DOCK3: variants seen among roughly 807,000 people sequenced by gnomAD.
The protein encoded by DOCK3 is dedicator of cytokinesis 3, also known as dedicator of cytokinesis protein 3.
Under a neutral mutation model 265.6 loss-of-function variants are expected in DOCK3, and 60 were observed. That is an observed-to-expected ratio of 0.23 (90% CI 0.18 to 0.28). DOCK3 has a LOEUF of 0.28. Ranked by LOEUF, DOCK3 falls within the 10% of genes least tolerant of loss-of-function variation. The probability of loss-of-function intolerance (pLI) is 1.00; values close to 1 mark genes in which losing one functional copy is unlikely to be tolerated. For missense variants in DOCK3, 1,981 were observed against 2,594.3 expected (o/e 0.76, Z 5.14); for synonymous variants, 881 against 938.0 (o/e 0.94, Z 1.11).
At chr3:51,173,597 G>A (rs188753151) in intron 12 of DOCK3, among the ~76,000 whole-genome samples, 1 of 152,214 alleles carries the variant, frequency 6.6e-6, no homozygotes, top group Non-Finnish European at 1.5e-5. Context: ...AGCTTTGCTG[G>A]GAAAAGTATT....
rs181885431 is a variant in DOCK3, at chr3:51,373,783, G to A, written c.5294-686G>A. 7.8e-4 allele frequency among the ~76,000 whole-genome samples: 119 copies of A among 152,320 alleles called. 1 individual carries two copies. Among genetic ancestry groups the A allele is most frequent in the Admixed American group, 2.9e-3 (44 of 15,298 alleles). Reference sequence around the variant, plus strand: ...TTAGTTCCATGAACCCTGAGTTCACGGAAGGGCAAGTGTCACAGAGCAAAA... The same window carrying A: ...TTAGTTCCATGAACCCTGAGTTCACAGAAGGGCAAGTGTCACAGAGCAAAA... On this transcript the variant is annotated intron_variant, in intron 49 of 52. Transcript: ENST00000266037.
chr3:51,225,814 C>G lies in DOCK3; in HGVS notation c.1377+41C>G. ...CAGTCATTTGGGTTGGAGGATAATC[C>G]TATAATAATTCTCTGTGGACTTTAT... On this transcript the variant is annotated intron_variant, in intron 15 of 52. Coordinates refer to ENST00000266037, the MANE Select transcript of DOCK3 (RefSeq NM_004947.5). 3 of 1,583,564 alleles carry G rather than the reference C, an allele frequency of 1.9e-6. No homozygotes were observed. The South Asian group carries it at 3.5e-5, about 19-fold the overall frequency.
intron 9 of DOCK3, among the ~76,000 whole-genome samples, chr3:51,145,353 A>G (rs1035259256): frequency 1.3e-5 from 2 of 151,958 alleles, no homozygotes; most frequent in African/African-American, 4.8e-5. Context: ...AGCATTAGGT[A>G]TATCTCCTAA....
chr3:50,742,714 G>A (rs1321676625), intron 1 of DOCK3, among the ~76,000 whole-genome samples: 1 of 152,116 alleles, frequency 6.6e-6, no homozygotes, highest in Non-Finnish European at 1.5e-5. Flanking sequence ...CCAAATCTAC[G>A]TCTGATTGGT....
intron 5 of DOCK3, among the ~76,000 whole-genome samples, chr3:51,060,585 G>A (rs2081376227): frequency 6.6e-6 from 1 of 152,140 alleles, no homozygotes; most frequent in Non-Finnish European, 1.5e-5. Flanking sequence ...GTGTAAGGAA[G>A]GGATCCAGTT....
At chr3:50,744,441 T>G (rs928649176) in intron 1 of DOCK3, among the ~76,000 whole-genome samples, 1 of 151,910 alleles carries the variant, frequency 6.6e-6, no homozygotes, top group Non-Finnish European at 1.5e-5. Flanking sequence ...AGTTAATTTT[T>G]TTTTTTTTTT....
rs998438351 is a variant in DOCK3, at chr3:50,675,426, C to G, written c.37+126C>G. 1 of 897,684 alleles carries G rather than the reference C, an allele frequency of 1.1e-6. No homozygotes were observed. The highest frequency in any genetic ancestry group is 1.4e-6 in the Non-Finnish European group (1 of 713,784). 55.6% of individuals were successfully genotyped at this position (897,684 alleles called of 1,614,324 possible). A position where few individuals can be genotyped will look rare whatever the true frequency, so the allele number is the denominator to read the frequency against. On this transcript the variant is annotated intron_variant, in intron 1 of 52. Transcript: ENST00000266037. This position sits in a 1 kb window ranked among gnomAD's most constrained non-coding sequence, Gnocchi z 6.1. Reference sequence around the variant, plus strand: ...CAGGCTGCGCGGCCTCGGCGCGGGGCGAGCGCGGGGTGGGGGCAGGTGCGG... The same window carrying G: ...CAGGCTGCGCGGCCTCGGCGCGGGGGGAGCGCGGGGTGGGGGCAGGTGCGG...
intron 12 of DOCK3, among the ~76,000 whole-genome samples, chr3:51,202,859 C>T (rs931932228): frequency 1.7e-4 from 26 of 151,272 alleles, no homozygotes; most frequent in Non-Finnish European, 3.4e-4. Context: ...AAGGCTGGTT[C>T]AATATACACA....
chr3:51,350,242 A>C, intron 39 of DOCK3, 46 bp from the exon 40 acceptor site: 1 of 1,548,394 alleles, frequency 6.5e-7, no homozygotes, highest in South Asian at 1.2e-5. Context: ...CTTCCTTTGG[A>C]TACCAACAGC....
At chr3:51,290,935 A>G (rs2081720541) in intron 27 of DOCK3, among the ~76,000 whole-genome samples, 1 of 152,012 alleles carries the variant, frequency 6.6e-6, no homozygotes, top group Admixed American at 6.6e-5. Flanking sequence ...AAAATTAGCC[A>G]GGCGTGGTGG....
At chr3:50,881,074 A>G (rs1042225625) in intron 3 of DOCK3, among the ~76,000 whole-genome samples, 2 of 152,254 alleles carry the variant, frequency 1.3e-5, no homozygotes, top group African/African-American at 4.8e-5. Flanking sequence ...ACAAAATTCA[A>G]CAGCCCTTCA....
chr3:51,177,230 T>C (rs2087010484), intron 12 of DOCK3, among the ~76,000 whole-genome samples: 1 of 152,216 alleles, frequency 6.6e-6, no homozygotes, highest in Admixed American at 6.5e-5. Flanking sequence ...TTTTGTTTAA[T>C]CTGTGATGAT....
chr3:50,859,147 T>C (rs2046773485), intron 3 of DOCK3, among the ~76,000 whole-genome samples: 1 of 151,838 alleles, frequency 6.6e-6, no homozygotes, highest in Admixed American at 6.6e-5. Flanking sequence ...GAATTCTGAA[T>C]TCTATTTCTG....
intron 1 of DOCK3, among the ~76,000 whole-genome samples, chr3:50,754,933 T>C (rs1057057181): frequency 2.0e-5 from 3 of 152,236 alleles, no homozygotes; most frequent in African/African-American, 7.2e-5. Flanking sequence ...GTTGTTGAAA[T>C]GACTTTACAG....
chr3:51,264,201 A>G (rs947306626), intron 23 of DOCK3, among the ~76,000 whole-genome samples: 18 of 152,038 alleles, frequency 1.2e-4, no homozygotes, highest in African/African-American at 3.4e-4. Flanking sequence ...AACAGAAATC[A>G]TAACAGTCTC....
chr3:51,231,691 T>C (rs1026365713), intron 19 of DOCK3, among the ~76,000 whole-genome samples: 2 of 152,218 alleles, frequency 1.3e-5, no homozygotes, highest in Non-Finnish European at 2.9e-5. Flanking sequence ...GCAAATATTT[T>C]CTCCCATTCT....
intron 5 of DOCK3, among the ~76,000 whole-genome samples, chr3:51,005,110 T>C (rs915095557): frequency 6.6e-6 from 1 of 151,966 alleles, no homozygotes; most frequent in Non-Finnish European, 1.5e-5. Context: ...TTTAAAGAAA[T>C]TATTTTGAAG....
intron 6 of DOCK3, among the ~76,000 whole-genome samples, chr3:51,070,416 C>T (rs1434785797): frequency 6.6e-6 from 1 of 152,146 alleles, no homozygotes; most frequent in Non-Finnish European, 1.5e-5. Flanking sequence ...ACAAGCCCAG[C>T]TCAACTCCTT....
chr3:50,922,524 C>T (rs2108048849), intron 4 of DOCK3, among the ~76,000 whole-genome samples: 2 of 152,340 alleles, frequency 1.3e-5, no homozygotes, highest in South Asian at 4.1e-4. Context: ...ATGCCCCGCC[C>T]TGCTTCGTGG....
Sources: allele counts gnomAD v4.1 joint callset (sites outside exome capture counted in the v4.1 genomes callset), GRCh38; gene constraint gnomAD v4.1.1; non-coding constraint Gnocchi (gnomAD v3.1); transcripts MANE v1.5; gene names NCBI Gene and HGNC (gene_info 2026-07-23, HGNC 2026-07-21).